The following HSD17B12 variants were observed in gnomAD, a reference collection of about 807,000 sequenced individuals.
The protein encoded by HSD17B12 is hydroxysteroid 17-beta dehydrogenase 12.
Under a neutral mutation model 39.3 loss-of-function variants are expected in HSD17B12, and 32 were observed. That is an observed-to-expected ratio of 0.81 (90% CI 0.61 to 1.09). HSD17B12 has a LOEUF of 1.09. Among genes scored for constraint, HSD17B12 ranks in the 50% least tolerant of loss-of-function variants. HSD17B12 has a pLI of 0.00. For synonymous variants in HSD17B12, 150 were observed against 146.7 expected, an observed-to-expected ratio of 1.02 and a Z score of -0.16; for missense variants, 342 against 382.9, an observed-to-expected ratio of 0.89 and a Z score of 0.89.
At chr11:43,806,722 A>G (rs1951021768) in intron 4 of HSD17B12, among the ~76,000 whole-genome samples, 1 of 152,186 alleles carries the variant, frequency 6.6e-6, no homozygotes, top group South Asian at 2.1e-4. Context: ...GAGGTTTATT[A>G]ATGGGTACAA....
the HSD17B12 span, among the ~76,000 whole-genome samples, chr11:43,562,766 C>A: frequency 9.2e-5 from 14 of 152,164 alleles, no homozygotes; most frequent in African/African-American, 3.1e-4. Context: ...TACTGAAAGC[C>A]ATTGGCCCTA....
chr11:43,587,466 C>G, the HSD17B12 span, among the ~76,000 whole-genome samples: 2 of 152,122 alleles, frequency 1.3e-5, no homozygotes, highest in Non-Finnish European at 2.9e-5. Context: ...ATGGTCAAAT[C>G]TTGGTTTTTA....
In HSD17B12 at chr11:43,714,191, C is replaced by T. The variant is rs562789028; in HGVS notation, c.160+33204C>T. On this transcript the variant is annotated intron_variant, in intron 1 of 10. Coordinates refer to ENST00000278353, the MANE Select transcript of HSD17B12 (RefSeq NM_016142.3). Reference sequence around the variant, plus strand: ...GCTTTTTGTGTTTTAGACATGAAGTCCTTGCCCATGCCTATGTCCTGAATG... The same window carrying T: ...GCTTTTTGTGTTTTAGACATGAAGTTCTTGCCCATGCCTATGTCCTGAATG... 7.2e-5 allele frequency among the ~76,000 whole-genome samples: 11 copies of T among 152,306 alleles called. No homozygotes were observed. The East Asian group carries it at 2.1e-3, about 29-fold the overall frequency.
chr11:43,725,705 A>G (rs554456711), intron 1 of HSD17B12, among the ~76,000 whole-genome samples: 2 of 152,354 alleles, frequency 1.3e-5, no homozygotes, highest in South Asian at 4.1e-4. Flanking sequence ...AAAAATAAAC[A>G]AAACAATGTA....
chr11:43,748,041 C>T (rs145484917), intron 1 of HSD17B12, among the ~76,000 whole-genome samples: 1 of 152,186 alleles, frequency 6.6e-6, no homozygotes, highest in East Asian at 1.9e-4. Context: ...AAAGTGGAAA[C>T]AATTAGAATA....
the HSD17B12 span, among the ~76,000 whole-genome samples, chr11:43,662,538 A>G: frequency 6.6e-6 from 1 of 151,980 alleles, no homozygotes; most frequent in African/African-American, 2.4e-5. Flanking sequence ...AAAAAAAGAA[A>G]AAGAAAAATC....
chr11:43,788,321 A>G (rs1950835014), intron 3 of HSD17B12, among the ~76,000 whole-genome samples: 1 of 152,232 alleles, frequency 6.6e-6, no homozygotes, highest in Non-Finnish European at 1.5e-5. Flanking sequence ...TATGATTAAA[A>G]AAAATGCTGA....
At chr11:43,599,561 T>A in the HSD17B12 span, among the ~76,000 whole-genome samples, 1 of 152,330 alleles carries the variant, frequency 6.6e-6, no homozygotes, top group Non-Finnish European at 1.5e-5. Flanking sequence ...TTCCTGATCC[T>A]CTCCCTCCTT....
the HSD17B12 span, among the ~76,000 whole-genome samples, chr11:43,600,601 G>A: frequency 1.3e-5 from 2 of 151,966 alleles, no homozygotes; most frequent in African/African-American, 2.4e-5. Flanking sequence ...TGAGCTTTAC[G>A]TTCAGTATTT....
chr11:43,762,027 C>T (rs975463285), intron 3 of HSD17B12, among the ~76,000 whole-genome samples: 4 of 152,258 alleles, frequency 2.6e-5, no homozygotes, highest in African/African-American at 9.6e-5. Context: ...AAAATACAAT[C>T]TGCCAGTTTA....
intron 1 of HSD17B12, among the ~76,000 whole-genome samples, chr11:43,746,109 G>A (rs759561883): frequency 6.6e-6 from 1 of 152,206 alleles, no homozygotes; most frequent in Non-Finnish European, 1.5e-5. Flanking sequence ...GTAAGTGAGT[G>A]AGTGAGTGGT....
the HSD17B12 span, among the ~76,000 whole-genome samples, chr11:43,601,196 A>G: frequency 6.6e-6 from 1 of 151,468 alleles, no homozygotes; most frequent in Admixed American, 6.6e-5. Context: ...TTGTTATATC[A>G]TCTTATGAAC....
At chr11:43,641,130 C>T in the HSD17B12 span, 1 of 151,594 alleles carries the variant, frequency 6.6e-6, no homozygotes, top group Non-Finnish European at 1.5e-5. Context: ...CTTATCTTAA[C>T]TGATGTAAAA....
intron 1 of HSD17B12, among the ~76,000 whole-genome samples, chr11:43,717,950 A>T (rs1365772632): frequency 1.3e-5 from 2 of 151,964 alleles, no homozygotes; most frequent in African/African-American, 2.4e-5. Context: ...GATTACAGGC[A>T]TGTGCCACCA....
the HSD17B12 span, among the ~76,000 whole-genome samples, chr11:43,673,968 T>C: frequency 2.6e-5 from 4 of 152,220 alleles, no homozygotes; most frequent in Non-Finnish European, 4.4e-5. Context: ...CCTACCTCAC[T>C]GAACACTTAA....
chr11:43,604,057 T>C, the HSD17B12 span, among the ~76,000 whole-genome samples: 11 of 152,330 alleles, frequency 7.2e-5, no homozygotes, highest in Middle Eastern at 3.4e-3. Flanking sequence ...TTCATCATTA[T>C]GTAACATAGG....
At chr11:43,729,433 G>C (rs1034045786) in intron 1 of HSD17B12, among the ~76,000 whole-genome samples, 1 of 152,182 alleles carries the variant, frequency 6.6e-6, no homozygotes, top group Non-Finnish European at 1.5e-5. Context: ...TCAGGCATCA[G>C]AGAAGTTGTT....
the HSD17B12 span, among the ~76,000 whole-genome samples, chr11:43,656,914 G>A: frequency 6.6e-6 from 1 of 152,112 alleles, no homozygotes; most frequent in African/African-American, 2.4e-5. Flanking sequence ...ATGTCTATTA[G>A]GTCTGCTTGG....
the HSD17B12 span, chr11:43,559,879 G>A: frequency 1.3e-5 from 2 of 155,856 alleles, no homozygotes; most frequent in Non-Finnish European, 2.9e-5. Flanking sequence ...AGAAACCTAA[G>A]GGCAGGGGCA....
Sources: allele counts gnomAD v4.1 joint callset (sites outside exome capture counted in the v4.1 genomes callset), GRCh38; gene constraint gnomAD v4.1.1; transcripts MANE v1.5; gene names NCBI Gene and HGNC (gene_info 2026-07-23, HGNC 2026-07-21).